The following ACTR3C variants were observed in gnomAD, a reference collection of about 807,000 sequenced individuals.
ACTR3C encodes actin-related protein 3C.
A neutral mutation model predicts 26.3 loss-of-function variants in ACTR3C; 18 were observed. The observed-to-expected ratio is 0.68, with a 90% CI of 0.47 to 1.01. The LOEUF (loss-of-function observed/expected upper bound fraction) is 1.01, where lower values mean the gene tolerates loss of function less well. ACTR3C is among the 50% of genes least tolerant of loss of function. The pLI is 0.00. For synonymous variants in ACTR3C, 55 were observed against 94.5 expected (o/e 0.58, Z 2.42); for missense variants, 184 against 250.7 (o/e 0.73, Z 1.80).
the ACTR3C span, among the ~76,000 whole-genome samples, chr7:150,059,529 A>G: frequency 3.9e-5 from 6 of 152,294 alleles, no homozygotes; most frequent in East Asian, 9.6e-4. Flanking sequence ...GTTTTGTGAG[A>G]TGTTTTCTAT....
chr7:150,127,278 T>C, the ACTR3C span, among the ~76,000 whole-genome samples: 3 of 131,540 alleles, frequency 2.3e-5, no homozygotes, highest in African/African-American at 9.8e-5. Flanking sequence ...GATGGATTCA[T>C]GGATTGACTT....
the ACTR3C span, among the ~76,000 whole-genome samples, chr7:150,106,585 G>A: frequency 7.0e-6 from 1 of 141,944 alleles, no homozygotes; most frequent in Non-Finnish European, 1.5e-5. Flanking sequence ...CAACCAGAGA[G>A]GTCACTTAAT....
chr7:149,948,644 GT>G, the ACTR3C span, among the ~76,000 whole-genome samples: 1 of 148,112 alleles, frequency 6.8e-6, no homozygotes, highest in Non-Finnish European at 1.5e-5. Context: ...GCAGTTGCTG[GT>G]GTCAGGTGTG....
downstream of ACTR3C, among the ~76,000 whole-genome samples, chr7:150,240,361 A>G (rs1832111341): frequency 6.6e-6 from 1 of 152,208 alleles, no homozygotes; most frequent in Non-Finnish European, 1.5e-5. Context: ...AGTCTACAAG[A>G]ATGCTCATTA....
At chr7:150,194,589 A>G in the ACTR3C span, among the ~76,000 whole-genome samples, 2 of 152,104 alleles carry the variant, frequency 1.3e-5, no homozygotes, top group Non-Finnish European at 2.9e-5. Flanking sequence ...CTTTGGATTA[A>G]AATCTACCAT....
chr7:150,207,060 T>C, the ACTR3C span, among the ~76,000 whole-genome samples: 15,224 of 152,200 alleles, frequency 0.1, 977 homozygotes, highest in East Asian at 0.24. Flanking sequence ...AATAACTGTC[T>C]ATTAAAACCC....
At chr7:150,272,091 G>A (rs1026686361) in intron 6 of ACTR3C, among the ~76,000 whole-genome samples, 4 of 146,504 alleles carry the variant, frequency 2.7e-5, no homozygotes, top group Non-Finnish European at 5.9e-5. Context: ...CAACAAAGTC[G>A]GTTTGAAGCC....
At chr7:150,005,982 G>A in the ACTR3C span, among the ~76,000 whole-genome samples, 2 of 152,036 alleles carry the variant, frequency 1.3e-5, no homozygotes, top group Admixed American at 1.3e-4. Flanking sequence ...CTCAAAATAC[G>A]TAAGCCCTTG....
chr7:150,050,244 A>G, the ACTR3C span, among the ~76,000 whole-genome samples: 1 of 152,234 alleles, frequency 6.6e-6, no homozygotes, highest in Non-Finnish European at 1.5e-5. Context: ...TGAAATATGC[A>G]TGCATATTTT....
At chr7:150,307,762 T>C (rs1275077679) in intron 1 of ACTR3C, among the ~76,000 whole-genome samples, 1 of 152,232 alleles carries the variant, frequency 6.6e-6, no homozygotes, top group Non-Finnish European at 1.5e-5. Context: ...CCTGTCCTCC[T>C]GCTCTTTGCT....
At chr7:150,273,867 C>T (rs1834642971) in intron 6 of ACTR3C, among the ~76,000 whole-genome samples, 1 of 152,104 alleles carries the variant, frequency 6.6e-6, no homozygotes, top group Admixed American at 6.5e-5. Flanking sequence ...CTGGCAACCC[C>T]TCCTTCCCTG....
the ACTR3C span, among the ~76,000 whole-genome samples, chr7:150,233,619 T>C: frequency 3.3e-5 from 5 of 152,112 alleles, no homozygotes; most frequent in African/African-American, 1.2e-4. Flanking sequence ...GATGAACCTA[T>C]TGAAGACATT....
the ACTR3C span, among the ~76,000 whole-genome samples, chr7:149,923,827 G>A: frequency 2.0e-5 from 3 of 151,722 alleles, no homozygotes; most frequent in African/African-American, 4.8e-5. Context: ...GAGAAACCCC[G>A]TCTCTACTAA....
the ACTR3C span, among the ~76,000 whole-genome samples, chr7:149,889,094 A>C: frequency 3.0e-4 from 45 of 152,276 alleles, no homozygotes; most frequent in African/African-American, 1.1e-3. Context: ...GGAAGAAACT[A>C]TTTGTAAAGC....
the ACTR3C span, among the ~76,000 whole-genome samples, chr7:149,902,820 G>A: frequency 1.1e-5 from 1 of 94,548 alleles, no homozygotes; most frequent in African/African-American, 2.9e-5. Flanking sequence ...TGGCTCCCAC[G>A]TGTGGTCCCA....
At chr7:149,965,677 A>T in the ACTR3C span, among the ~76,000 whole-genome samples, 41 of 152,354 alleles carry the variant, frequency 2.7e-4, no homozygotes, top group East Asian at 5.0e-3. Flanking sequence ...ATGGCAAGGT[A>T]AGTTTGGGCT....
At chr7:150,015,881 G>A in the ACTR3C span, among the ~76,000 whole-genome samples, 1 of 152,186 alleles carries the variant, frequency 6.6e-6, no homozygotes, top group Non-Finnish European at 1.5e-5. Flanking sequence ...TATGTCTGTT[G>A]TTTTAGCATC....
the ACTR3C span, among the ~76,000 whole-genome samples, chr7:150,036,924 G>T: frequency 3.8e-5 from 4 of 104,046 alleles, no homozygotes; most frequent in African/African-American, 7.1e-5. Context: ...CCCCCTCTGC[G>T]ATGGGGGTCC....
At chr7:150,151,687 G>A in the ACTR3C span, among the ~76,000 whole-genome samples, 1 of 120,972 alleles carries the variant, frequency 8.3e-6, no homozygotes, top group African/African-American at 2.8e-5. Flanking sequence ...GGCTAACAAT[G>A]AGAACACATG....
Sources: allele counts gnomAD v4.1 joint callset (sites outside exome capture counted in the v4.1 genomes callset), GRCh38; gene constraint gnomAD v4.1.1; transcripts MANE v1.5; gene names NCBI Gene and HGNC (gene_info 2026-07-23, HGNC 2026-07-21).